ATRX: variants seen among roughly 807,000 people sequenced by gnomAD.
The protein encoded by ATRX is ATRX chromatin remodeler, also known as chromatin remodeler ATRX.
In ATRX, 12 loss-of-function variants were observed where a neutral mutation model predicts 172.6. That is an observed-to-expected ratio of 0.07 (90% CI 0.04 to 0.11). The LOEUF (loss-of-function observed/expected upper bound fraction) is 0.11. Ranked by LOEUF, ATRX falls within the 10% of genes least tolerant of loss-of-function variation. The pLI, the probability that ATRX is intolerant of heterozygous loss-of-function variation, is 1.00. For missense variants in ATRX, 1,368 were observed against 1,767.4 expected (o/e 0.77, Z 4.05); for synonymous variants, 674 against 594.7 (o/e 1.13, Z -1.94).
At chrX:77,547,447 C>T (rs1346884359) in intron 30 of ATRX, among the ~76,000 whole-genome samples, 1 of 111,238 alleles carries the variant, frequency 9.0e-6, no homozygotes, top group Non-Finnish European at 1.9e-5. Flanking sequence ...GTAAATGGCT[C>T]CTTAATAGTT....
intron 30 of ATRX, among the ~76,000 whole-genome samples, chrX:77,546,702 C>T (rs782439039): frequency 4.4e-4 from 49 of 111,364 alleles, no homozygotes; most frequent in South Asian, 2.7e-3. Flanking sequence ...CAGGCTGATC[C>T]TGAACTCCTG....
intron 17 of ATRX, 79 bp from the exon 18 acceptor site, chrX:77,633,791 A>G: frequency 9.5e-7 from 1 of 1,052,836 alleles, no homozygotes; most frequent in Non-Finnish European, 1.3e-6. Context: ...ACAATATTAT[A>G]GCTTTGTTTT....
intron 1 of ATRX, among the ~76,000 whole-genome samples, chrX:77,767,216 G>A (rs2075995513): frequency 9.3e-6 from 1 of 107,998 alleles, no homozygotes; most frequent in Non-Finnish European, 1.9e-5. Context: ...CGTGGAAAGA[G>A]AGGGAGAGGG....
At chrX:77,599,256 A>C (rs1304608149) in intron 25 of ATRX, among the ~76,000 whole-genome samples, 155 bp downstream of exon 25, 1 of 111,970 alleles carries the variant, frequency 8.9e-6, no homozygotes, top group Non-Finnish European at 1.9e-5. Context: ...GATTCATCAG[A>C]TATTTACTGT....
At position 77,656,573 on chromosome X, in the gene ATRX, G is replaced by A. The variant is rs1557119999; in HGVS notation, c.4201C>T (p.Arg1401Trp). The A allele has an allele frequency of 5.0e-6, 6 of 1,206,471 alleles. No homozygotes were observed. The highest frequency in any genetic ancestry group is 6.7e-6 in the Non-Finnish European group (6 of 892,296). ...EEVSESEDEQ[R>W]PRTRSAKKAE... ...CAATTATAATACCTTGTTCTGGGCC[G>A]CTGTTCATCTTCGGATTCACTAACT... is the stretch of plus-strand genomic sequence containing the variant. Residue 1401 changes from arginine (R) to tryptophan (W), a missense_variant, in exon 13 of 35, where the codon CGG becomes TGG. By Grantham distance (101) the Arg-to-Trp change is moderately radical. Transcript: ENST00000373344.
chrX:77,621,587 C>T (rs1416003474), intron 19 of ATRX, among the ~76,000 whole-genome samples: 4 of 112,322 alleles, frequency 3.6e-5, no homozygotes, highest in Non-Finnish European at 7.5e-5. Context: ...CTGGGATTAC[C>T]GGCATAAGCC....
At chrX:77,554,314 A>G (rs965732795) in intron 30 of ATRX, among the ~76,000 whole-genome samples, 13 of 111,115 alleles carry the variant, frequency 1.2e-4, no homozygotes, top group African/African-American at 3.9e-4. Flanking sequence ...CAAAGAAAAA[A>G]AAAACATTTT....
chrX:77,688,787 CG>C, intron 7 of ATRX, 30 bp downstream of exon 7: 2 of 1,087,725 alleles, frequency 1.8e-6, no homozygotes, highest in Non-Finnish European at 2.6e-6. Context: ...CAAATATTTA[CG>C]GTATGAAATA....
chrX:77,658,519 T>G (rs935213754), intron 12 of ATRX, among the ~76,000 whole-genome samples: 1 of 112,099 alleles, frequency 8.9e-6, no homozygotes, highest in Non-Finnish European at 1.9e-5. Flanking sequence ...GGAAAACTAA[T>G]CTCTGAATAA....
intron 13 of ATRX, among the ~76,000 whole-genome samples, chrX:77,655,700 T>TAA (rs374034587): frequency 2.0e-5 from 2 of 100,182 alleles, no homozygotes; most frequent in African/African-American, 3.6e-5. Context: ...TATCTTGGTT[T>TAA]AAAAAAAAAA....
intron 1 of ATRX, among the ~76,000 whole-genome samples, chrX:77,723,038 A>T (rs1557170157): frequency 1.3e-4 from 14 of 111,901 alleles, no homozygotes; most frequent in Non-Finnish European, 1.9e-5. Context: ...TGTCCTTTGC[A>T]GGGACATGGA....
At chrX:77,705,731 A>ATTGTTTTTTTC (rs1557156677) in intron 2 of ATRX, among the ~76,000 whole-genome samples, 1 of 112,188 alleles carries the variant, frequency 8.9e-6, no homozygotes, top group Non-Finnish European at 1.9e-5. Flanking sequence ...CAAAGAGTTA[A>ATTGTTTTTTTC]AATTCATAGG....
intron 30 of ATRX, among the ~76,000 whole-genome samples, chrX:77,527,103 C>T (rs782265487): frequency 8.9e-6 from 1 of 112,401 alleles, no homozygotes; most frequent in Admixed American, 9.4e-5. Context: ...ACAATACTAA[C>T]ATCCAATTAC....
At chrX:77,568,612 T>C (rs1374487925) in intron 28 of ATRX, among the ~76,000 whole-genome samples, 1 of 112,079 alleles carries the variant, frequency 8.9e-6, no homozygotes, top group Non-Finnish European at 1.9e-5. Flanking sequence ...ATTGACTTAT[T>C]TTATGAGGTC....
rs45562234 is a variant in ATRX, at chrX:77,661,388, G to A, written c.4120+1994C>T. Among the ~76,000 whole-genome samples the A allele has an allele frequency of 7.4e-3, 814 of 109,263 alleles. 18 individuals are homozygous for A. The highest frequency in any genetic ancestry group is 0.026 in the African/African-American group (781 of 29,948). The allele number at this position is 109,263 out of a possible 115,157, so 94.9% of individuals were successfully genotyped here. A position where few individuals can be genotyped will look rare whatever the true frequency, so the allele number is the denominator to read the frequency against. The stretch of plus-strand genomic sequence containing the variant: ...AAATAAGGCCGGTACGGTGGCTCAC[G>A]CCTATAATCCCAGCACTTTGGGAGG... On this transcript the variant is annotated intron_variant, in intron 12 of 34. Coordinates refer to ENST00000373344, the MANE Select transcript of ATRX (RefSeq NM_000489.6).
chrX:77,657,518 C>T (rs1228483159), intron 12 of ATRX, among the ~76,000 whole-genome samples: 2 of 110,974 alleles, frequency 1.8e-5, no homozygotes, highest in East Asian at 5.6e-4. Context: ...GAAGGAGCTC[C>T]CAACAACCAA....
chrX:77,639,956 G>A (rs1380075085), intron 15 of ATRX, among the ~76,000 whole-genome samples: 1 of 112,265 alleles, frequency 8.9e-6, no homozygotes, highest in Non-Finnish European at 1.9e-5. Flanking sequence ...TGGTGGATTA[G>A]GTAAACAAAA....
At chrX:77,638,177 C>T (rs900647030) in intron 15 of ATRX, among the ~76,000 whole-genome samples, 2 of 111,489 alleles carry the variant, frequency 1.8e-5, no homozygotes, top group African/African-American at 3.3e-5. Context: ...AAATTATCAA[C>T]TTAAGGCCGG....
chrX:77,657,882 A>T (rs1410600759), intron 12 of ATRX, among the ~76,000 whole-genome samples: 1 of 111,887 alleles, frequency 8.9e-6, no homozygotes, highest in African/African-American at 3.3e-5. Context: ...CACCAACTTA[A>T]GCAAGTAACA....
Sources: allele counts gnomAD v4.1 joint callset (sites outside exome capture counted in the v4.1 genomes callset), GRCh38; gene constraint gnomAD v4.1.1; transcripts MANE v1.5; gene names NCBI Gene and HGNC (gene_info 2026-07-23, HGNC 2026-07-21).